SLC35F3: variants seen among roughly 807,000 people sequenced by gnomAD.
SLC35F3 encodes the protein solute carrier family 35 member F3.
SLC35F3 carries 25 observed loss-of-function variants against 49.9 expected under a neutral mutation model. The ratio of observed to expected loss-of-function variants is 0.50; its 90% confidence interval spans 0.37 to 0.70. The LOEUF is 0.70. Among genes scored for constraint, SLC35F3 ranks in the 30% least tolerant of loss-of-function variants. The probability of loss-of-function intolerance (pLI) is 0.00; values close to 1 mark genes in which losing one functional copy is unlikely to be tolerated. For synonymous variants in SLC35F3, 275 were observed against 265.4 expected (o/e 1.04, Z -0.35); for missense variants, 525 against 639.8 (o/e 0.82, Z 1.94).
At position 234,231,682 on chromosome 1, in the gene SLC35F3, G is replaced by A. The variant is rs1667379436; in HGVS notation, c.549G>A (p.Leu183=). The change falls in exon 3 of 8, where the codon TTG becomes TTA. Residue 183 remains leucine, a synonymous_variant. Coordinates refer to ENST00000366618, the MANE Select transcript of SLC35F3 (RefSeq NM_173508.4). This position sits in a 1 kb window ranked among gnomAD's most constrained non-coding sequence, Gnocchi z 5.4. The part of the protein sequence containing the change: ...ATNWNFLFFP[L]YYVGHVCKST... ...ACTGGAACTTTTTATTCTTCCCGTT[G>A]TACTACGTGGGGCACGTCTGCAAGT... 1.2e-6 allele frequency: 2 copies of A among 1,614,166 alleles called. No individual in the cohort carries two copies. Among genetic ancestry groups the A allele is most frequent in the Non-Finnish European group, 1.7e-6 (2 of 1,180,010 alleles).
rs947989380 is a variant in SLC35F3 at position 233,947,157 on chromosome 1, A to C, written c.283+41399A>C. Among the ~76,000 whole-genome samples, 4 of 152,320 alleles carry C rather than the reference A, an allele frequency of 2.6e-5. No individual in the cohort carries two copies. In the East Asian group the frequency reaches 5.8e-4, roughly 22 times the overall value. On this transcript the variant is annotated intron_variant, in intron 2 of 7. Coordinates refer to ENST00000366618, the MANE Select transcript of SLC35F3 (RefSeq NM_173508.4). ...AATTTTAATATTTGCAACTAATTCA[A>C]GTTTTTAAAAGCTAGTTTAAAAAAC...
At chr1:233,981,177 CAG>C (rs2102821988) in intron 2 of SLC35F3, among the ~76,000 whole-genome samples, 1 of 152,292 alleles carries the variant, frequency 6.6e-6, no homozygotes, top group East Asian at 1.9e-4. Context: ...GTACAATCCA[CAG>C]ACTTTATTAA....
At chr1:234,259,045 T>G (rs57080535) in intron 3 of SLC35F3, among the ~76,000 whole-genome samples, 2 of 152,314 alleles carry the variant, frequency 1.3e-5, no homozygotes, top group East Asian at 3.9e-4. Context: ...CCACTTCTTA[T>G]GAAGAATGGT....
At chr1:234,158,703 A>G (rs1227945749) in intron 2 of SLC35F3, among the ~76,000 whole-genome samples, 1 of 152,200 alleles carries the variant, frequency 6.6e-6, no homozygotes, top group African/African-American at 2.4e-5. Flanking sequence ...TAGACATGGA[A>G]TTGGTTGTCA....
At chr1:234,272,145 T>A (rs1668118034) in intron 3 of SLC35F3, among the ~76,000 whole-genome samples, 1 of 151,970 alleles carries the variant, frequency 6.6e-6, no homozygotes, top group African/African-American at 2.4e-5. Flanking sequence ...AAGAAACAAA[T>A]GTGTGAAGAC....
chr1:234,248,934 G>A (rs573968830), intron 3 of SLC35F3, among the ~76,000 whole-genome samples: 1 of 152,332 alleles, frequency 6.6e-6, no homozygotes, highest in East Asian at 1.9e-4. Context: ...ATACGTGTGA[G>A]GGATCCTCCA....
intron 2 of SLC35F3, among the ~76,000 whole-genome samples, chr1:234,209,602 T>A (rs891771899): frequency 6.6e-6 from 1 of 152,082 alleles, no homozygotes; most frequent in African/African-American, 2.4e-5. Context: ...GTTTGGTTTT[T>A]TGAGGGGTAG....
chr1:234,162,276 A>G (rs1317988043), intron 2 of SLC35F3, among the ~76,000 whole-genome samples: 1 of 142,812 alleles, frequency 7.0e-6, no homozygotes, highest in Non-Finnish European at 1.5e-5. Context: ...TCCCTCTTGG[A>G]GAAGCTCAGA....
rs190628346 is a variant in SLC35F3, at chr1:233,913,063, T to C, written c.283+7305T>C. 1.5e-3 allele frequency among the ~76,000 whole-genome samples: 233 copies of C among 152,290 alleles called. 2 individuals are homozygous for C. The highest frequency in any genetic ancestry group is 4.0e-3 in the Admixed American group (61 of 15,306). ...GAGTAGGTAAAATCTGAAGTGTTTA[T>C]ATGGTGTGATAAAGATCAGTTTGCA... On this transcript the variant is annotated intron_variant, in intron 2 of 7. Coordinates refer to ENST00000366618, the MANE Select transcript of SLC35F3 (RefSeq NM_173508.4).
chr1:234,252,258 C>T (rs187207975), intron 3 of SLC35F3, among the ~76,000 whole-genome samples: 12 of 152,122 alleles, frequency 7.9e-5, no homozygotes, highest in African/African-American at 2.9e-4. Flanking sequence ...TTAGTAGAGA[C>T]GGTGTTTCAC....
chr1:234,201,327 C>G (rs1344745266), intron 2 of SLC35F3, among the ~76,000 whole-genome samples: 2 of 152,210 alleles, frequency 1.3e-5, no homozygotes, highest in African/African-American at 4.8e-5. Context: ...GATTCCAGTT[C>G]ATGCTAACAA....
At chr1:233,916,517 T>C (rs6665531) in intron 2 of SLC35F3, among the ~76,000 whole-genome samples, 4,248 of 152,346 alleles carry the variant, frequency 0.028, 215 homozygotes, top group African/African-American at 0.097. Flanking sequence ...AGCAGTCCTC[T>C]CACTTTAGCC....
In SLC35F3 at chr1:233,957,367, A is replaced by G. The variant is rs1662721923; in HGVS notation, c.283+51609A>G. ...CATTCTACTAACTGATGCGCTACTCAGTTCATCAGGGTGTGGGCTCTGTCA... is the reference window on the plus strand; with the variant it reads ...CATTCTACTAACTGATGCGCTACTCGGTTCATCAGGGTGTGGGCTCTGTCA... On this transcript the variant is annotated intron_variant, in intron 2 of 7. Coordinates refer to ENST00000366618, the MANE Select transcript of SLC35F3 (RefSeq NM_173508.4). The surrounding 1 kb of genome is among the most constrained non-coding windows in gnomAD (Gnocchi z 4.0). Among the ~76,000 whole-genome samples, 1 of 152,186 alleles carries G rather than the reference A, an allele frequency of 6.6e-6. No homozygotes were observed. Among genetic ancestry groups the G allele is most frequent in the Admixed American group, 6.5e-5 (1 of 15,280 alleles).
intron 2 of SLC35F3, among the ~76,000 whole-genome samples, chr1:233,937,109 G>A (rs1662347568): frequency 6.6e-6 from 1 of 152,024 alleles, no homozygotes; most frequent in South Asian, 2.1e-4. Context: ...ACAACACTTG[G>A]CACCAGCATC....
chr1:234,269,930 G>A (rs556760810), intron 3 of SLC35F3, among the ~76,000 whole-genome samples: 1 of 152,268 alleles, frequency 6.6e-6, no homozygotes, highest in African/African-American at 2.4e-5. Context: ...CCCAGAAGCA[G>A]GTGCTGGTGT....
intron 3 of SLC35F3, among the ~76,000 whole-genome samples, chr1:234,260,636 A>G (rs184277700): frequency 4.4e-4 from 67 of 152,332 alleles, no homozygotes; most frequent in African/African-American, 1.4e-3. Context: ...AGTTATCTTA[A>G]TACTATGGAC....
rs1185258277 is a variant in SLC35F3, at chr1:234,267,490, G to A, written c.608+35749G>A. Among the ~76,000 whole-genome samples, 7 of 146,268 alleles carry A rather than the reference G, an allele frequency of 4.8e-5. No homozygotes were observed. In the East Asian group the frequency reaches 6.2e-4, roughly 13 times the overall value. On this transcript the variant is annotated intron_variant, in intron 3 of 7. Coordinates refer to ENST00000366618, the MANE Select transcript of SLC35F3 (RefSeq NM_173508.4). ...GCGCCCCTCACCTCCCGGATGGGGC[G>A]GCTGGCCGGGCGGGGGGCTGACCCC...
intron 2 of SLC35F3, among the ~76,000 whole-genome samples, chr1:233,914,433 C>G (rs921916220): frequency 6.6e-5 from 10 of 152,176 alleles, no homozygotes; most frequent in Non-Finnish European, 1.0e-4. Context: ...AGCTCCTCCT[C>G]CAAGCCCCTG....
intron 2 of SLC35F3, among the ~76,000 whole-genome samples, chr1:234,228,207 C>T (rs1374704210): frequency 6.6e-6 from 1 of 152,190 alleles, no homozygotes; most frequent in Non-Finnish European, 1.5e-5. Flanking sequence ...CCACCATCCT[C>T]ACTGCCCCTC....
Sources: allele counts gnomAD v4.1 joint callset (sites outside exome capture counted in the v4.1 genomes callset), GRCh38; gene constraint gnomAD v4.1.1; non-coding constraint Gnocchi (gnomAD v3.1); transcripts MANE v1.5; gene names NCBI Gene and HGNC (gene_info 2026-07-23, HGNC 2026-07-21).